Variants in TTC23L observed in about 807,000 individuals in gnomAD.
TTC23L encodes the protein tetratricopeptide repeat domain 23 like.
A neutral mutation model predicts 48.1 loss-of-function variants in TTC23L; 42 were observed. The observed-to-expected ratio is 0.87, with a 90% confidence interval of 0.68 to 1.13. The LOEUF (loss-of-function observed/expected upper bound fraction) is 1.13. Ranked by LOEUF, TTC23L falls within the 50% of genes most tolerant of loss-of-function variation. TTC23L has a pLI of 0.00. For missense variants in TTC23L, 391 were observed against 421.0 expected (o/e 0.93, Z 0.62); for synonymous variants, 159 against 157.2 (o/e 1.01, Z -0.09).
intron 4 of TTC23L, among the ~76,000 whole-genome samples, chr5:34,851,100 A>C (rs1023618150): frequency 6.6e-6 from 1 of 152,152 alleles, no homozygotes; most frequent in African/African-American, 2.4e-5. Context: ...TCAGGGCGGG[A>C]CTGGTCTCAT....
At chr5:34,913,433 A>C in the TTC23L span, 3 of 1,275,436 alleles carry the variant, frequency 2.4e-6, no homozygotes, top group Middle Eastern at 2.2e-4. Flanking sequence ...ACCACTATGT[A>C]TAACACTTTT....
At chr5:34,840,714 A>G (rs768721222) in exon 2 of TTC23L, 2 of 1,613,992 alleles carry the variant, frequency 1.2e-6, no homozygotes, top group Non-Finnish European at 1.7e-6. Context: ...TAGCAATGAC[A>G]TCGACTGGGA....
chr5:34,911,946 A>G, the TTC23L span: 1 of 1,057,368 alleles, frequency 9.5e-7, no homozygotes, highest in Non-Finnish European at 1.4e-6. Context: ...CTCCTCATAA[A>G]AAGGGATGAC....
chr5:34,883,508 G>T, intron 9 of TTC23L: 1 of 174,178 alleles, frequency 5.7e-6, no homozygotes. Context: ...TGAGCTGCTG[G>T]AACCTGTTCC....
the TTC23L span, chr5:34,909,456 G>A: frequency 2.6e-6 from 2 of 759,604 alleles, no homozygotes; most frequent in South Asian, 1.8e-5. Context: ...ATACTAGTGG[G>A]TGAAACAGAC....
chr5:34,925,337 C>T, the TTC23L span: 3 of 1,613,678 alleles, frequency 1.9e-6, no homozygotes, highest in African/African-American at 1.3e-5. Flanking sequence ...TCCACATGAT[C>T]CCACTGCAGA....
At chr5:34,912,083 G>C in the TTC23L span, among the ~76,000 whole-genome samples, 1 of 152,188 alleles carries the variant, frequency 6.6e-6, no homozygotes, top group East Asian at 1.9e-4. Context: ...GAAATAGCTT[G>C]TTGATTTTAT....
chr5:34,856,261 A>G (rs559704623), intron 4 of TTC23L, among the ~76,000 whole-genome samples: 46 of 152,302 alleles, frequency 3.0e-4, no homozygotes, highest in African/African-American at 1.1e-3. Context: ...CCAAAATCTA[A>G]AACTTTTTGA....
At chr5:34,908,092 C>G in the TTC23L span, 1 of 152,030 alleles carries the variant, frequency 6.6e-6, no homozygotes, top group Non-Finnish European at 1.5e-5. Context: ...TAAGCAATGC[C>G]CATATGCCTT....
intron 8 of TTC23L, among the ~76,000 whole-genome samples, chr5:34,877,493 A>G (rs1448693682): frequency 6.6e-6 from 1 of 150,826 alleles, no homozygotes; most frequent in Non-Finnish European, 1.5e-5. Context: ...GTGTGATCTC[A>G]GCTCACTGCA....
chr5:34,877,676 G>A (rs933437746), intron 8 of TTC23L, among the ~76,000 whole-genome samples: 1 of 152,006 alleles, frequency 6.6e-6, no homozygotes, highest in East Asian at 1.9e-4. Context: ...CACCCACCTC[G>A]GCCTCCCAAA....
chr5:34,924,765 C>A, the TTC23L span: 1 of 834,478 alleles, frequency 1.2e-6, no homozygotes, highest in Non-Finnish European at 1.9e-6. Context: ...ATTTCAGGCA[C>A]ATTTATAATG....
Position 34,848,135 on chromosome 5 carries a change from A to G in TTC23L, c.256-2050A>G, listed in dbSNP as rs534974076. Among the ~76,000 whole-genome samples the G allele has an allele frequency of 5.9e-5, 9 of 152,344 alleles. No individual in the cohort carries two copies. In the South Asian group the frequency reaches 1.9e-3, roughly 32 times the overall value. ...CCCAAAGCAACACAATCAGTAAACA[A>G]ACATTAGAACCAGGGCTGAAACTTT... On this transcript the variant is annotated intron_variant, in intron 3 of 10. Transcript: ENST00000505624.
the TTC23L span, chr5:34,915,810 A>T: frequency 6.3e-7 from 1 of 1,582,850 alleles, no homozygotes; most frequent in Non-Finnish European, 8.6e-7. Context: ...GAAACGAAAT[A>T]GATGCGGAGC....
intron 9 of TTC23L, among the ~76,000 whole-genome samples, chr5:34,881,697 G>T (rs113329491): frequency 0.048 from 7,271 of 151,268 alleles, 247 homozygotes; most frequent in South Asian, 0.1. Flanking sequence ...CATTTGTAAA[G>T]ACAAAAACCT....
intron 4 of TTC23L, among the ~76,000 whole-genome samples, chr5:34,860,394 A>G (rs1000383364): frequency 2.0e-5 from 3 of 152,214 alleles, no homozygotes; most frequent in Non-Finnish European, 2.9e-5. Flanking sequence ...CTAACTATGT[A>G]TTTCTCCAAG....
At chr5:34,909,284 A>T in the TTC23L span, 1 of 1,610,948 alleles carries the variant, frequency 6.2e-7, no homozygotes, top group Non-Finnish European at 8.5e-7. Context: ...GATTACAATG[A>T]AATGCTTCCA....
chr5:34,874,907 GAAAGAT>G (rs1240404686), intron 8 of TTC23L, among the ~76,000 whole-genome samples: 1 of 152,106 alleles, frequency 6.6e-6, no homozygotes. Context: ...CCAATGTAAA[GAAAGAT>G]TTTCAGAGTG....
At chr5:34,880,414 A>C in intron 9 of TTC23L, 106 bp downstream of exon 9, 1 of 1,177,760 alleles carries the variant, frequency 8.5e-7, no homozygotes, top group Non-Finnish European at 1.2e-6. Flanking sequence ...GGTCCCAGAT[A>C]AAACTAGGCA....
Sources: gnomAD v4.1 joint callset for allele counts (sites outside exome capture counted in the v4.1 genomes callset) on GRCh38, gnomAD v4.1.1 for gene constraint, MANE v1.5 for transcripts, NCBI Gene and HGNC (gene_info 2026-07-23, HGNC 2026-07-21) for gene names.